Variants in ZBTB40 observed in about 807,000 individuals in gnomAD.
The protein encoded by ZBTB40 is zinc finger and BTB domain-containing protein 40.
In ZBTB40, 60 loss-of-function variants were observed where a neutral mutation model predicts 117.5. The observed-to-expected ratio is 0.51, with a 90% CI of 0.41 to 0.63. The LOEUF is 0.63. Among genes scored for constraint, ZBTB40 ranks in the 30% least tolerant of loss-of-function variants. The pLI, the probability that ZBTB40 is intolerant of heterozygous loss-of-function variation, is 0.00. For synonymous variants in ZBTB40, 525 were observed against 577.1 expected (o/e 0.91, Z 1.29); for missense variants, 1,287 against 1,498.5 (o/e 0.86, Z 2.33).
intron 1 of ZBTB40, chr1:22,452,857 G>A (rs1464148744): frequency 1.3e-5 from 2 of 152,226 alleles, no homozygotes; most frequent in East Asian, 3.8e-4. Flanking sequence ...TTTGAATAGC[G>A]TTGGTACCAT....
At chr1:22,521,705 G>A (rs780188456) in intron 15 of ZBTB40, 47 bp downstream of exon 15, 5 of 1,612,642 alleles carry the variant, frequency 3.1e-6, no homozygotes, top group Non-Finnish European at 4.2e-6. Context: ...GCTTGATGGT[G>A]TAGCCTCCTG....
chr1:22,491,429 T>G lies in ZBTB40; in HGVS notation c.727T>G (p.Phe243Val). The G allele has an allele frequency of 6.2e-7, 1 of 1,614,012 alleles. No homozygotes were observed. The highest frequency in any genetic ancestry group is 1.1e-5 in the South Asian group (1 of 91,082). The change falls in exon 3 of 18, where the codon TTT becomes GTT. Residue 243 changes from phenylalanine (F) to valine (V), a missense_variant. Coordinates refer to ENST00000375647, the MANE Select transcript of ZBTB40 (RefSeq NM_014870.4). Reference protein sequence around the residue: ...GCERKHYQLNFLLENEGVFSD... With the variant: ...GCERKHYQLNVLLENEGVFSD... ...TGAAAGGAAACACTACCAGCTGAAT[T>G]TTCTTCTAGAAAATGAAGGTGTCTT...
rs141684778 is a variant in ZBTB40 at position 22,521,331 on chromosome 1, A to G, written c.3049-165A>G. On this transcript the variant is annotated intron_variant, in intron 14 of 17. Coordinates refer to ENST00000375647, the MANE Select transcript of ZBTB40 (RefSeq NM_014870.4). The stretch of plus-strand genomic sequence containing the variant: ...ATATGTAGTTGCCTTATTCTCACAA[A>G]CACCAGGCTTTCCTCACATCAGCAC... Among the ~76,000 whole-genome samples the G allele has an allele frequency of 4.8e-4, 73 of 152,310 alleles. No homozygotes were observed. The East Asian group carries it at 0.01, about 22-fold the overall frequency.
At chr1:22,485,006 T>A (rs929091036) in intron 1 of ZBTB40, among the ~76,000 whole-genome samples, 3 of 152,230 alleles carry the variant, frequency 2.0e-5, no homozygotes, top group Non-Finnish European at 4.4e-5. Flanking sequence ...CATTTGGCTA[T>A]GATGTATAAT....
chr1:22,525,425 AC>A (rs1639650960), intron 17 of ZBTB40, among the ~76,000 whole-genome samples: 1 of 152,158 alleles, frequency 6.6e-6, no homozygotes, highest in Non-Finnish European at 1.5e-5. Context: ...TCTGCTCTTC[AC>A]TGATTCTCAA....
At chr1:22,477,157 A>G (rs1175221510) in intron 1 of ZBTB40, among the ~76,000 whole-genome samples, 3 of 152,196 alleles carry the variant, frequency 2.0e-5, no homozygotes, top group Non-Finnish European at 2.9e-5. Context: ...TTAATAACAG[A>G]ATTGTGTTCC....
chr1:22,517,484 C>T lies in ZBTB40; in HGVS notation c.2833+20C>T. 1 of 1,606,070 alleles carries T rather than the reference C, an allele frequency of 6.2e-7. No individual in the cohort carries two copies. Among genetic ancestry groups the T allele is most frequent in the South Asian group, 1.1e-5 (1 of 90,828 alleles). ...TTCACAGTATGTAGAGACTGTGGAT[C>T]TCAAGCCCTCAGTGCCAGCCTGGCA... On this transcript the variant is annotated intron_variant, in intron 13 of 17. Transcript: ENST00000375647.
intron 13 of ZBTB40, 190 bp downstream of exon 13, chr1:22,517,654 T>C (rs1176583078): frequency 2.9e-6 from 2 of 681,912 alleles, no homozygotes; most frequent in Non-Finnish European, 4.7e-6. Context: ...GTATCTCATA[T>C]AACGCTTATT....
At position 22,484,073 on chromosome 1, in the gene ZBTB40, T is replaced by G. The variant is rs1412792404; in HGVS notation, c.-69-5807T>G. On this transcript the variant is annotated intron_variant, in intron 1 of 17. Coordinates refer to ENST00000375647, the MANE Select transcript of ZBTB40 (RefSeq NM_014870.4). ...TGAATTGACTATATTTGTGTGGGTC[T>G]GTTTCTGGGCTTTCTGTTCTGTTCC... Among the ~76,000 whole-genome samples, 3 of 152,246 alleles carry G rather than the reference T, an allele frequency of 2.0e-5. No individual in the cohort carries two copies. In the East Asian group the frequency reaches 5.8e-4, roughly 29 times the overall value.
At chr1:22,477,968 C>T (rs1194598721) in intron 1 of ZBTB40, among the ~76,000 whole-genome samples, 1 of 152,148 alleles carries the variant, frequency 6.6e-6, no homozygotes, top group African/African-American at 2.4e-5. Flanking sequence ...TGTAAATATT[C>T]AGTTTCTATT....
At chr1:22,475,345 C>T (rs1273154442) in intron 1 of ZBTB40, among the ~76,000 whole-genome samples, 1 of 152,192 alleles carries the variant, frequency 6.6e-6, no homozygotes, top group Non-Finnish European at 1.5e-5. Context: ...TGGACTCATG[C>T]TCCATACTTC....
intron 1 of ZBTB40, among the ~76,000 whole-genome samples, chr1:22,476,200 A>C (rs555905205): frequency 1.3e-5 from 2 of 151,772 alleles, no homozygotes; most frequent in Non-Finnish European, 2.9e-5. Flanking sequence ...CCTGTGTATG[A>C]CTGTTGTTTC....
intron 1 of ZBTB40, among the ~76,000 whole-genome samples, chr1:22,458,175 G>A (rs1178616710): frequency 6.6e-6 from 1 of 152,254 alleles, no homozygotes; most frequent in Non-Finnish European, 1.5e-5. Flanking sequence ...TAGTTGGTCA[G>A]TGGCTTTCAG....
At chr1:22,473,958 G>A (rs964679968) in intron 1 of ZBTB40, among the ~76,000 whole-genome samples, 3 of 152,150 alleles carry the variant, frequency 2.0e-5, no homozygotes, top group Admixed American at 6.5e-5. Flanking sequence ...GTAAAACGAG[G>A]ATAAGTGGGA....
At position 22,511,778 on chromosome 1, in the gene ZBTB40, A is replaced by G; in HGVS notation, c.2105A>G (p.Asp702Gly). Reference sequence around the variant, plus strand: ...GAAGATGAAAAGGCAGCCAAAGAAGACAGCCAGCCTGGGGAACAGAATGAT... The same window carrying G: ...GAAGATGAAAAGGCAGCCAAAGAAGGCAGCCAGCCTGGGGAACAGAATGAT... ...NKEDEKAAKE[D>G]SQPGEQNDQG... Residue 702 changes from aspartate to glycine, a missense_variant, in exon 11 of 18, where the codon GAC becomes GGC. Around this residue, in one of 2 missense-constraint regions of ZBTB40, gnomAD observed 870 missense variants for 934.4 expected, o/e 0.93. Coordinates refer to ENST00000375647, the MANE Select transcript of ZBTB40 (RefSeq NM_014870.4). The G allele has an allele frequency of 2.5e-6, 4 of 1,610,356 alleles. No homozygotes were observed. Among genetic ancestry groups the G allele is most frequent in the Non-Finnish European group, 3.4e-6 (4 of 1,178,898 alleles).
chr1:22,462,248 G>A (rs961517198), intron 1 of ZBTB40, among the ~76,000 whole-genome samples: 12 of 152,236 alleles, frequency 7.9e-5, no homozygotes, highest in South Asian at 2.1e-4. Context: ...CAAAGTTTCG[G>A]CTCTAGAGTC....
rs772200796 is a variant in ZBTB40, at chr1:22,489,961, A to C, written c.13A>C (p.Asn5His). ...CAGAGTTGACGCAATGGAGCTCCCCAACTACAGCCGGCAGCTGCTGCAGCA... is the reference window on the plus strand; with the variant it reads ...CAGAGTTGACGCAATGGAGCTCCCCCACTACAGCCGGCAGCTGCTGCAGCA... MELP[N>H]YSRQLLQQLY... Residue 5 changes from asparagine (N) to histidine (H), a missense_variant, in exon 2 of 18, where the codon AAC (asparagine) becomes CAC (histidine). By Grantham distance (68) the Asn-to-His change is moderately conservative. Transcript: ENST00000375647. The C allele has an allele frequency of 4.0e-5, 65 of 1,611,938 alleles. No homozygotes were observed. The highest frequency in any genetic ancestry group is 5.1e-5 in the Non-Finnish European group (60 of 1,179,996).
At chr1:22,480,564 A>G (rs977510888) in intron 1 of ZBTB40, among the ~76,000 whole-genome samples, 9 of 150,562 alleles carry the variant, frequency 6.0e-5, no homozygotes, top group African/African-American at 2.2e-4. Context: ...GTTAGCCAGG[A>G]TGGTCTCGAT....
At chr1:22,489,280 A>G (rs1283670756) in intron 1 of ZBTB40, among the ~76,000 whole-genome samples, 1 of 152,162 alleles carries the variant, frequency 6.6e-6, no homozygotes, top group African/African-American at 2.4e-5. Flanking sequence ...GTCCTCGAGC[A>G]CTCCAAGCTT....
Sources: gnomAD v4.1 joint callset for allele counts (sites outside exome capture counted in the v4.1 genomes callset) on GRCh38, gnomAD v4.1.1 for gene constraint, gnomAD v4.1.1 regional missense constraint, MANE v1.5 for transcripts, NCBI Gene and HGNC (gene_info 2026-07-23, HGNC 2026-07-21) for gene names.